SH3PXD2A: variants seen among roughly 807,000 people sequenced by gnomAD.
The protein encoded by SH3PXD2A is SH3 and PX domains 2A.
In SH3PXD2A, 32 loss-of-function variants were observed where a neutral mutation model predicts 115.2. That is an observed-to-expected ratio of 0.28 (90% CI 0.21 to 0.37). The LOEUF (loss-of-function observed/expected upper bound fraction) is 0.37, where lower values mean the gene tolerates loss of function less well. SH3PXD2A is among the 10% of genes least tolerant of loss of function. The pLI is 1.00. For synonymous variants in SH3PXD2A, 610 were observed against 629.1 expected (o/e 0.97, Z 0.45); for missense variants, 1,328 against 1,498.7 (o/e 0.89, Z 1.88).
intron 3 of SH3PXD2A, among the ~76,000 whole-genome samples, chr10:103,737,139 A>G (rs2038390161): frequency 6.6e-6 from 1 of 152,222 alleles, no homozygotes. Flanking sequence ...TGAAAAGCCA[A>G]GTGGAGAGAG....
chr10:103,827,286 C>T (rs771610764), intron 1 of SH3PXD2A, among the ~76,000 whole-genome samples: 2 of 152,152 alleles, frequency 1.3e-5, no homozygotes, highest in Non-Finnish European at 2.9e-5. Flanking sequence ...AGGCCCACTC[C>T]TCTTCCTTTC....
At chr10:103,840,636 C>G (rs936942779) in intron 1 of SH3PXD2A, among the ~76,000 whole-genome samples, 5 of 152,206 alleles carry the variant, frequency 3.3e-5, no homozygotes, top group South Asian at 2.1e-4. Context: ...TCTGGAGTCC[C>G]GCTGCCTGGC....
chr10:103,660,647 G>A (rs1013203047), intron 8 of SH3PXD2A, among the ~76,000 whole-genome samples: 2 of 152,244 alleles, frequency 1.3e-5, no homozygotes, highest in Non-Finnish European at 2.9e-5. Context: ...GGTTGTTGCT[G>A]GGCATCCCTG....
intron 1 of SH3PXD2A, among the ~76,000 whole-genome samples, chr10:103,838,402 A>G (rs1336653439): frequency 6.6e-6 from 1 of 152,234 alleles, no homozygotes; most frequent in African/African-American, 2.4e-5. Flanking sequence ...TATTAACGGA[A>G]GAGGAAATCC....
intron 3 of SH3PXD2A, among the ~76,000 whole-genome samples, chr10:103,762,583 G>A (rs578042693): frequency 4.6e-5 from 7 of 152,256 alleles, no homozygotes; most frequent in South Asian, 2.1e-4. Context: ...ACCATGAAAC[G>A]TCTGGGTTTT....
chr10:103,734,531 T>C (rs1449516789), intron 4 of SH3PXD2A, among the ~76,000 whole-genome samples: 1 of 152,188 alleles, frequency 6.6e-6, no homozygotes, highest in Non-Finnish European at 1.5e-5. Flanking sequence ...GGCAGATCAC[T>C]TGAGGCCAGG....
chr10:103,778,541 G>T (rs2038902218), intron 2 of SH3PXD2A, among the ~76,000 whole-genome samples: 3 of 152,216 alleles, frequency 2.0e-5, no homozygotes. Context: ...TAATCTCTTT[G>T]TGACCCCATT....
chr10:103,610,668 CA>C (rs2036412943), intron 13 of SH3PXD2A, among the ~76,000 whole-genome samples: 1 of 152,190 alleles, frequency 6.6e-6, no homozygotes, highest in Non-Finnish European at 1.5e-5. Flanking sequence ...CTCCTTAACC[CA>C]GTGCACCAGG....
chr10:103,726,639 A>G (rs2038244807), intron 4 of SH3PXD2A, among the ~76,000 whole-genome samples: 1 of 152,252 alleles, frequency 6.6e-6, no homozygotes, highest in Non-Finnish European at 1.5e-5. Flanking sequence ...CCCAATATCC[A>G]GTAGCTATGG....
chr10:103,747,268 G>A lies in SH3PXD2A; in HGVS notation c.230-11460C>T, dbSNP rs2038515331. Among the ~76,000 whole-genome samples the A allele has an allele frequency of 2.6e-5, 4 of 152,340 alleles. 1 individual carries two copies. Among genetic ancestry groups the A allele is most frequent in the African/African-American group, 4.8e-5 (2 of 41,576 alleles). The stretch of plus-strand genomic sequence containing the variant: ...ATTCACCCTCCAGGACGCAGACACA[G>A]TGGGGCCAGAGTGTGGTTAGCTCAG... On this transcript the variant is annotated intron_variant, in intron 3 of 14. Coordinates refer to ENST00000369774, the MANE Select transcript of SH3PXD2A (RefSeq NM_001394015.1).
intron 7 of SH3PXD2A, among the ~76,000 whole-genome samples, chr10:103,668,171 A>G (rs546582415): frequency 6.6e-6 from 1 of 152,356 alleles, no homozygotes; most frequent in South Asian, 2.1e-4. Flanking sequence ...GAGATGAACC[A>G]TCTTTGGCTG....
chr10:103,718,122 C>T (rs2038129146), intron 5 of SH3PXD2A, among the ~76,000 whole-genome samples: 1 of 151,904 alleles, frequency 6.6e-6, no homozygotes, highest in Non-Finnish European at 1.5e-5. Context: ...CCTCCTGCCT[C>T]AGCCTCCTGA....
At chr10:103,647,745 C>T (rs1265619907) in intron 8 of SH3PXD2A, among the ~76,000 whole-genome samples, 4 of 152,188 alleles carry the variant, frequency 2.6e-5, no homozygotes, top group African/African-American at 9.7e-5. Flanking sequence ...TAAAATCCCA[C>T]CCTGTGGGCA....
intron 4 of SH3PXD2A, among the ~76,000 whole-genome samples, chr10:103,728,540 T>C (rs775332815): frequency 7.2e-5 from 11 of 152,308 alleles, no homozygotes; most frequent in African/African-American, 2.2e-4. Context: ...TCCCGAAGTA[T>C]GTCTCATGGA....
chr10:103,715,707 T>C (rs1377456926), intron 5 of SH3PXD2A, among the ~76,000 whole-genome samples: 1 of 152,256 alleles, frequency 6.6e-6, no homozygotes, highest in Non-Finnish European at 1.5e-5. Context: ...CTCAAGAGGC[T>C]GGCAGCCAGA....
chr10:103,786,736 T>G (rs1161621229), intron 2 of SH3PXD2A, among the ~76,000 whole-genome samples: 1 of 152,154 alleles, frequency 6.6e-6, no homozygotes, highest in Non-Finnish European at 1.5e-5. Flanking sequence ...CAGGGTGGGC[T>G]GTAAGCAGTT....
chr10:103,657,970 A>C (rs1046070716), intron 8 of SH3PXD2A, among the ~76,000 whole-genome samples: 9 of 152,184 alleles, frequency 5.9e-5, no homozygotes, highest in African/African-American at 2.2e-4. Flanking sequence ...GAGGGGAGAG[A>C]TCTTAGCTCT....
At chr10:103,835,666 G>GC (rs1199285842) in intron 1 of SH3PXD2A, among the ~76,000 whole-genome samples, 3 of 151,960 alleles carry the variant, frequency 2.0e-5, no homozygotes, top group Non-Finnish European at 2.9e-5. Flanking sequence ...TCTTTTGGCC[G>GC]CCCCCCCAAC....
intron 6 of SH3PXD2A, among the ~76,000 whole-genome samples, chr10:103,682,780 C>A (rs1308094798): frequency 6.6e-6 from 1 of 151,480 alleles, no homozygotes; most frequent in Non-Finnish European, 1.5e-5. Flanking sequence ...ACAAAACAAA[C>A]CACGAGCCTG....
Sources: allele counts gnomAD v4.1 joint callset (sites outside exome capture counted in the v4.1 genomes callset), GRCh38; gene constraint gnomAD v4.1.1; transcripts MANE v1.5; gene names NCBI Gene and HGNC (gene_info 2026-07-23, HGNC 2026-07-21).